The following TMEM132D variants were observed in gnomAD, a reference collection of about 807,000 sequenced individuals.
TMEM132D encodes transmembrane protein 132D.
Under a neutral mutation model 62.3 loss-of-function variants are expected in TMEM132D, and 21 were observed. The observed-to-expected ratio is 0.34, with a 90% CI of 0.24 to 0.49. TMEM132D has a LOEUF of 0.49. Ranked by LOEUF, TMEM132D falls within the 20% of genes least tolerant of loss-of-function variation. The probability of loss-of-function intolerance (pLI) is 0.99; values close to 1 mark genes in which losing one functional copy is unlikely to be tolerated. For missense variants in TMEM132D, 1,346 were observed against 1,402.8 expected (o/e 0.96, Z 0.65); for synonymous variants, 621 against 575.6 (o/e 1.08, Z -1.13).
At chr12:129,414,068 T>A (rs2135707261) in intron 3 of TMEM132D, among the ~76,000 whole-genome samples, 1 of 152,346 alleles carries the variant, frequency 6.6e-6, no homozygotes, top group East Asian at 1.9e-4. Flanking sequence ...CTTCTTTGCC[T>A]TGCTAACTTC....
Position 129,472,896 on chromosome 12 carries a change from A to G in TMEM132D, c.1115+58163T>C, listed in dbSNP as rs145168697. Among the ~76,000 whole-genome samples, 230 of 151,802 alleles carry G rather than the reference A, an allele frequency of 1.5e-3. 2 individuals are homozygous for G. The highest frequency in any genetic ancestry group is 5.4e-3 in the African/African-American group (224 of 41,380). On this transcript the variant is annotated intron_variant, in intron 3 of 8. Transcript: ENST00000422113. ...AAGACTTTTTTTTTTTTTGAGACAG[A>G]GTTTCACTCTTGTTGCCCAGCGCAG...
At chr12:129,098,549 A>G (rs1041700571) in intron 5 of TMEM132D, among the ~76,000 whole-genome samples, 5 of 152,106 alleles carry the variant, frequency 3.3e-5, no homozygotes, top group African/African-American at 1.2e-4. Context: ...CACTAACTCC[A>G]CTGTCCTTCA....
intron 4 of TMEM132D, among the ~76,000 whole-genome samples, chr12:129,257,278 C>A (rs1426400032): frequency 6.7e-6 from 1 of 149,510 alleles, no homozygotes; most frequent in East Asian, 2.0e-4. Context: ...ACGATCTCGG[C>A]TCACTGCAAG....
chr12:129,337,865 A>G, intron 3 of TMEM132D, 48 bp from the exon 4 acceptor site: 1 of 1,536,930 alleles, frequency 6.5e-7, no homozygotes. Context: ...CTGATGAGGT[A>G]TGGCACGCTT....
chr12:129,238,338 C>A (rs1286335640), intron 4 of TMEM132D, among the ~76,000 whole-genome samples: 3 of 152,126 alleles, frequency 2.0e-5, no homozygotes, highest in Non-Finnish European at 4.4e-5. Context: ...CGATAAAATA[C>A]ACATAATATA....
At position 129,700,099 on chromosome 12, in the gene TMEM132D, A is replaced by T. The variant is rs2137226059; in HGVS notation, c.679T>A (p.Tyr227Asn). 6.2e-7 allele frequency: 1 copy of T among 1,613,506 alleles called. No homozygotes were observed. The highest frequency in any genetic ancestry group is 8.5e-7 in the Non-Finnish European group (1 of 1,179,986). Residue 227 changes from tyrosine to asparagine, a missense_variant, in exon 2 of 9, where the codon TAC becomes AAC. By Grantham distance (143) the Tyr-to-Asn change is moderately radical (BLOSUM62 -2). Transcript: ENST00000422113. ...TCACCCCCTGGGTGCACGGTGTAGT[A>T]GAGCTCCACGGGGGTCCCCTCCGGC... The part of the protein sequence containing the change: ...DQPEGTPVEL[Y>N]YTVHPGGERG...
intron 4 of TMEM132D, among the ~76,000 whole-genome samples, chr12:129,272,378 G>A (rs75042287): frequency 0.045 from 6,822 of 151,850 alleles, 378 homozygotes; most frequent in Admixed American, 0.15. Context: ...ATACTGGAGA[G>A]TCACCTACAA....
At chr12:129,249,718 G>A (rs1381145681) in intron 4 of TMEM132D, among the ~76,000 whole-genome samples, 4 of 152,118 alleles carry the variant, frequency 2.6e-5, no homozygotes, top group African/African-American at 4.8e-5. Context: ...TACTTCGGCC[G>A]ATGGAGACAG....
rs1303469555 is a variant in TMEM132D at position 129,277,187 on chromosome 12, G to T, written c.1299+60447C>A. ...TGGAGAACAAAAACTATGGAAACAA[G>T]CCTGGCTTTTTCCTTTTCTTTTATT... On this transcript the variant is annotated intron_variant, in intron 4 of 8. Transcript: ENST00000422113. The surrounding 1 kb of genome is among the most constrained non-coding windows in gnomAD (Gnocchi z 4.2). Among the ~76,000 whole-genome samples the T allele has an allele frequency of 1.3e-5, 2 of 152,162 alleles. No homozygotes were observed. The highest frequency in any genetic ancestry group is 4.8e-5 in the African/African-American group (2 of 41,446).
chr12:129,771,332 G>A (rs1388425142), intron 1 of TMEM132D, among the ~76,000 whole-genome samples: 1 of 152,200 alleles, frequency 6.6e-6, no homozygotes, highest in Non-Finnish European at 1.5e-5. Flanking sequence ...TCTGTAAAAT[G>A]TGGATAATAA....
rs1009620954 is a variant in TMEM132D at position 129,371,607 on chromosome 12, TGTG to T, written c.1116-33793_1116-33791del. Among the ~76,000 whole-genome samples, 1 of 150,990 alleles carries T rather than the reference TGTG, an allele frequency of 6.6e-6. No homozygotes were observed. Among genetic ancestry groups the T allele is most frequent in the Non-Finnish European group, 1.5e-5 (1 of 67,724 alleles). On this transcript the variant is annotated intron_variant, in intron 3 of 8. Transcript: ENST00000422113. This position sits in a 1 kb window ranked among gnomAD's most constrained non-coding sequence, Gnocchi z 4.3. Reference sequence around the variant, plus strand: ...GATAGTAACAATGATCATGGCAGATTGTGGTGATGATGATGGTGGTGATGGTGA... The same window carrying T: ...GATAGTAACAATGATCATGGCAGATTGTGATGATGATGGTGGTGATGGTGA...
chr12:129,263,460 T>G (rs1255999943), intron 4 of TMEM132D, among the ~76,000 whole-genome samples: 1 of 152,150 alleles, frequency 6.6e-6, no homozygotes, highest in Non-Finnish European at 1.5e-5. Flanking sequence ...ATCACCCAAA[T>G]GTAAGAGGTG....
At chr12:129,377,575 G>T (rs1469413566) in intron 3 of TMEM132D, among the ~76,000 whole-genome samples, 1 of 152,120 alleles carries the variant, frequency 6.6e-6, no homozygotes, top group Non-Finnish European at 1.5e-5. Context: ...CCAGGGGATG[G>T]TCTACCATAT....
intron 1 of TMEM132D, among the ~76,000 whole-genome samples, chr12:129,803,433 A>G (rs1238557243): frequency 6.6e-6 from 1 of 152,152 alleles, no homozygotes; most frequent in Non-Finnish European, 1.5e-5. Flanking sequence ...CTGCTCCTGA[A>G]TGACTACTGG....
At chr12:129,666,205 C>T (rs1345938798) in intron 2 of TMEM132D, among the ~76,000 whole-genome samples, 1 of 152,132 alleles carries the variant, frequency 6.6e-6, no homozygotes, top group Non-Finnish European at 1.5e-5. Context: ...GCTTTCTAGG[C>T]CCTGTTCCTC....
intron 1 of TMEM132D, among the ~76,000 whole-genome samples, chr12:129,754,864 G>A (rs1304522689): frequency 6.6e-6 from 1 of 152,150 alleles, no homozygotes; most frequent in Non-Finnish European, 1.5e-5. Flanking sequence ...CATAGGGACT[G>A]GAGGCATCTT....
intron 2 of TMEM132D, among the ~76,000 whole-genome samples, chr12:129,548,733 T>C (rs1394217846): frequency 6.6e-6 from 1 of 152,086 alleles, no homozygotes; most frequent in Non-Finnish European, 1.5e-5. Flanking sequence ...AGGAAGTCAA[T>C]CCTACCACCC....
rs1427314775 is a variant in TMEM132D, at chr12:129,779,147, C to T, written c.80-78449G>A. Among the ~76,000 whole-genome samples, 1 of 152,186 alleles carries T rather than the reference C, an allele frequency of 6.6e-6. No individual in the cohort carries two copies. Among genetic ancestry groups the T allele is most frequent in the East Asian group, 1.9e-4 (1 of 5,202 alleles). On this transcript the variant is annotated intron_variant, in intron 1 of 8. Transcript: ENST00000422113. The surrounding 1 kb of genome is among the most constrained non-coding windows in gnomAD (Gnocchi z 4.1). ...CTCCAGGCATCACATTCCAAATCCA[C>T]CCAGCAGGAAGGATACAAGGCCTTA...
At chr12:129,253,101 T>C (rs1263015038) in intron 4 of TMEM132D, among the ~76,000 whole-genome samples, 2 of 149,710 alleles carry the variant, frequency 1.3e-5, no homozygotes, top group Non-Finnish European at 3.0e-5. Context: ...AAATGACGAG[T>C]TAATGGGTGC....
Sources: allele counts gnomAD v4.1 joint callset (sites outside exome capture counted in the v4.1 genomes callset), GRCh38; gene constraint gnomAD v4.1.1; non-coding constraint Gnocchi (gnomAD v3.1); transcripts MANE v1.5; gene names NCBI Gene and HGNC (gene_info 2026-07-23, HGNC 2026-07-21).